GRM1: variants seen among roughly 807,000 people sequenced by gnomAD.
The protein encoded by GRM1 is glutamate metabotropic receptor 1, also known as metabotropic glutamate receptor 1.
A neutral mutation model predicts 90.9 loss-of-function variants in GRM1; 33 were observed. The ratio of observed to expected loss-of-function variants is 0.36; its 90% confidence interval spans 0.28 to 0.49. GRM1 has a LOEUF of 0.49. Ranked by LOEUF, GRM1 falls within the 20% of genes least tolerant of loss-of-function variation. GRM1 has a pLI of 0.99. For missense variants in GRM1, 1,190 were observed against 1,534.3 expected (o/e 0.78, Z 3.75); for synonymous variants, 700 against 613.2 (o/e 1.14, Z -2.09).
intron 1 of GRM1, among the ~76,000 whole-genome samples, chr6:146,068,550 G>A (rs999851524): frequency 1.3e-5 from 2 of 152,214 alleles, no homozygotes; most frequent in African/African-American, 2.4e-5. Context: ...CAAGGAATGT[G>A]GCAAGTCATG....
Position 146,399,447 on chromosome 6 carries a change from C to T in GRM1, c.2408C>T (p.Pro803Leu). Residue 803 changes from proline (P) to leucine (L), a missense_variant, in exon 7 of 8, where the codon CCC becomes CTC. Pro to Leu is a moderately conservative substitution (Grantham distance 98). Transcript: ENST00000282753. The surrounding 1 kb of genome is among the most constrained non-coding windows in gnomAD (Gnocchi z 5.4). ...TTCIIWLAFV[P>L]IYFGSNYKII... ...TGTATCATCTGGCTAGCTTTTGTGC[C>T]CATTTACTTTGGGAGCAACTACAAG... 6.2e-7 allele frequency: 1 copy of T among 1,614,136 alleles called. No homozygotes were observed. Among genetic ancestry groups the T allele is most frequent in the South Asian group, 1.1e-5 (1 of 91,074 alleles).
intron 1 of GRM1, among the ~76,000 whole-genome samples, chr6:146,044,605 G>T (rs1791252722): frequency 6.6e-6 from 1 of 151,968 alleles, no homozygotes; most frequent in Non-Finnish European, 1.5e-5. Context: ...GGGAGGTACT[G>T]TGTGTTGATA....
intron 1 of GRM1, among the ~76,000 whole-genome samples, chr6:146,094,574 A>T (rs1390047422): frequency 6.6e-6 from 1 of 152,126 alleles, no homozygotes; most frequent in Non-Finnish European, 1.5e-5. Flanking sequence ...CAACTTCCTT[A>T]GGTTACCCTG....
At chr6:146,260,738 C>T (rs1217833239) in intron 2 of GRM1, among the ~76,000 whole-genome samples, 3 of 146,814 alleles carry the variant, frequency 2.0e-5, no homozygotes, top group East Asian at 2.0e-4. Flanking sequence ...ATCTGTTGGC[C>T]ATTTGTATGT....
rs1296404071 is a variant in GRM1 at position 146,434,219 on chromosome 6, T to C, written c.3008T>C (p.Phe1003Ser). ...SHLTAEETPL[F>S]LAEPALPKGL... ...CTGACCGCAGAGGAGACCCCCCTCT[T>C]CCTGGCCGAACCAGCCCTCCCCAAG... Residue 1003 changes from phenylalanine to serine, a missense_variant, in exon 8 of 8, where the codon TTC (phenylalanine) becomes TCC (serine). Transcript: ENST00000282753. 1.9e-6 allele frequency: 3 copies of C among 1,608,174 alleles called. No homozygotes were observed. The South Asian group carries it at 3.3e-5, about 18-fold the overall frequency.
chr6:146,042,451 A>G (rs144638088), intron 1 of GRM1, among the ~76,000 whole-genome samples: 67 of 152,112 alleles, frequency 4.4e-4, no homozygotes, highest in African/African-American at 1.6e-3. Context: ...AGAAAAGGAA[A>G]ATTTGAAGAT....
intron 2 of GRM1, among the ~76,000 whole-genome samples, chr6:146,212,399 C>A (rs1340989377): frequency 6.6e-6 from 1 of 152,168 alleles, no homozygotes; most frequent in African/African-American, 2.4e-5. Context: ...TTCAGCATTG[C>A]CTTCTAATTC....
intron 4 of GRM1, among the ~76,000 whole-genome samples, chr6:146,355,959 A>G (rs1298080388): frequency 6.6e-6 from 1 of 152,208 alleles, no homozygotes; most frequent in Non-Finnish European, 1.5e-5. Flanking sequence ...AGCACTTTGC[A>G]TAGGTACTGC....
intron 1 of GRM1, among the ~76,000 whole-genome samples, chr6:146,133,044 C>T (rs1216371927): frequency 6.6e-6 from 1 of 152,198 alleles, no homozygotes; most frequent in Non-Finnish European, 1.5e-5. Context: ...CTGAGTTTTT[C>T]ATTTCTGCTA....
intron 2 of GRM1, among the ~76,000 whole-genome samples, chr6:146,271,132 G>A (rs945034445): frequency 4.0e-5 from 6 of 151,776 alleles, no homozygotes; most frequent in Non-Finnish European, 8.8e-5. Context: ...AACCTGCTGA[G>A]TAGCTGTGAT....
chr6:146,075,909 G>A (rs1265759549), intron 1 of GRM1, among the ~76,000 whole-genome samples: 1 of 152,162 alleles, frequency 6.6e-6, no homozygotes, highest in Non-Finnish European at 1.5e-5. Flanking sequence ...GTCTACTCTA[G>A]TGACCATAAT....
chr6:146,224,941 A>T (rs1780188754), intron 2 of GRM1, among the ~76,000 whole-genome samples: 1 of 152,140 alleles, frequency 6.6e-6, no homozygotes, highest in African/African-American at 2.4e-5. Context: ...GGGCACTTTC[A>T]TGGATTCTGT....
At chr6:146,425,628 C>A (rs180687348) in intron 7 of GRM1, among the ~76,000 whole-genome samples, 1 of 152,294 alleles carries the variant, frequency 6.6e-6, no homozygotes, top group East Asian at 1.9e-4. Context: ...TGGCCAGAGT[C>A]CCCTGACATG....
intron 3 of GRM1, among the ~76,000 whole-genome samples, chr6:146,310,225 T>C (rs1783726961): frequency 1.3e-5 from 2 of 152,244 alleles, no homozygotes; most frequent in Non-Finnish European, 2.9e-5. Context: ...TTCACAATTT[T>C]AGACTGATAC....
At chr6:146,211,980 C>T (rs773908678) in intron 2 of GRM1, among the ~76,000 whole-genome samples, 17 of 152,208 alleles carry the variant, frequency 1.1e-4, no homozygotes, top group Non-Finnish European at 2.2e-4. Context: ...AATCCGAAAT[C>T]GACAGGACAG....
Position 146,201,614 on chromosome 6 carries a change from G to A in GRM1, c.950+42017G>A, listed in dbSNP as rs116116122. The stretch of plus-strand genomic sequence containing the variant: ...ATTTATGACCTAATTACTTACCAAA[G>A]GCCACACCTCCAAATTCCATCACAT... On this transcript the variant is annotated intron_variant, in intron 2 of 7. Transcript: ENST00000282753. Among the ~76,000 whole-genome samples the A allele has an allele frequency of 4.0e-3, 611 of 152,226 alleles. 3 individuals carry two copies. The highest frequency in any genetic ancestry group is 0.013 in the African/African-American group (555 of 41,532).
At chr6:146,230,740 A>G (rs1161385668) in intron 2 of GRM1, among the ~76,000 whole-genome samples, 4 of 152,170 alleles carry the variant, frequency 2.6e-5, no homozygotes, top group Non-Finnish European at 5.9e-5. Flanking sequence ...TTTATTTATA[A>G]TTACCAAATC....
chr6:146,377,433 C>T (rs570923925), intron 5 of GRM1, among the ~76,000 whole-genome samples: 38 of 152,144 alleles, frequency 2.5e-4, no homozygotes, highest in African/African-American at 8.9e-4. Context: ...GTCACTTTTG[C>T]TATACAAAGA....
At chr6:146,247,116 T>C (rs1284366577) in intron 2 of GRM1, among the ~76,000 whole-genome samples, 2 of 152,176 alleles carry the variant, frequency 1.3e-5, no homozygotes, top group Non-Finnish European at 2.9e-5. Context: ...CTCTTCTTCT[T>C]CAGTCCACAA....
Sources: allele counts gnomAD v4.1 joint callset (sites outside exome capture counted in the v4.1 genomes callset), GRCh38; gene constraint gnomAD v4.1.1; non-coding constraint Gnocchi (gnomAD v3.1); transcripts MANE v1.5; gene names NCBI Gene and HGNC (gene_info 2026-07-23, HGNC 2026-07-21).